AGBL1: variants seen among roughly 807,000 people sequenced by gnomAD.
AGBL1 encodes the protein cytosolic carboxypeptidase 4.
AGBL1 carries 130 observed loss-of-function variants against 118.9 expected under a neutral mutation model. The observed-to-expected ratio is 1.09, with a 90% CI of 0.95 to 1.26. The LOEUF (loss-of-function observed/expected upper bound fraction) is 1.26. Among genes scored for constraint, AGBL1 ranks in the 50% most tolerant of loss-of-function variants. The pLI is 0.00. For missense variants in AGBL1, 1,584 were observed against 1,298.1 expected (o/e 1.22, Z -3.38); for synonymous variants, 555 against 478.9 (o/e 1.16, Z -2.08).
At chr15:86,278,771 G>A (rs967920731) in intron 15 of AGBL1, among the ~76,000 whole-genome samples, 1 of 152,154 alleles carries the variant, frequency 6.6e-6, no homozygotes, top group Non-Finnish European at 1.5e-5. Context: ...TCTCAGGAAA[G>A]CCTGTGCAGC....
At chr15:86,964,031 C>CTCTCTGTGTGTG (rs1183866210) in intron 23 of AGBL1, among the ~76,000 whole-genome samples, 4 of 146,206 alleles carry the variant, frequency 2.7e-5, no homozygotes, top group African/African-American at 1.0e-4. Context: ...CTCTCTCTCT[C>CTCTCTGTGTGTG]TGTGTGTGTG....
chr15:86,154,924 T>C (rs986996986), intron 4 of AGBL1, among the ~76,000 whole-genome samples: 1 of 152,178 alleles, frequency 6.6e-6, no homozygotes, highest in Admixed American at 6.5e-5. Context: ...TCAAGTGTTA[T>C]ATCTGGGCAG....
intron 21 of AGBL1, among the ~76,000 whole-genome samples, chr15:86,648,626 G>A (rs904787494): frequency 1.3e-5 from 2 of 152,180 alleles, no homozygotes; most frequent in East Asian, 1.9e-4. Flanking sequence ...TCACCGGAAA[G>A]GTCTGGGCTG....
At chr15:86,465,924 A>G (rs914274579) in intron 18 of AGBL1, among the ~76,000 whole-genome samples, 12 of 152,044 alleles carry the variant, frequency 7.9e-5, no homozygotes, top group Admixed American at 5.9e-4. Flanking sequence ...CCCACTCCCT[A>G]TTTGTACACC....
At chr15:86,263,941 A>G (rs1265704862) in intron 10 of AGBL1, among the ~76,000 whole-genome samples, 1 of 152,202 alleles carries the variant, frequency 6.6e-6, no homozygotes, top group Non-Finnish European at 1.5e-5. Context: ...AGTGAAAGGC[A>G]CTGCCTTGGG....
chr15:86,610,736 C>T (rs1314569915), intron 21 of AGBL1, among the ~76,000 whole-genome samples: 1 of 152,198 alleles, frequency 6.6e-6, no homozygotes, highest in Non-Finnish European at 1.5e-5. Context: ...AAAATCAGTA[C>T]TTAACTTCGC....
At chr15:86,816,241 G>A (rs1045765676) in intron 22 of AGBL1, among the ~76,000 whole-genome samples, 1 of 152,164 alleles carries the variant, frequency 6.6e-6, no homozygotes, top group Non-Finnish European at 1.5e-5. Context: ...ATTCACAAAG[G>A]TAAAAGGACC....
At chr15:86,342,229 G>T (rs887001053) in intron 17 of AGBL1, among the ~76,000 whole-genome samples, 20 of 152,068 alleles carry the variant, frequency 1.3e-4, no homozygotes, top group Non-Finnish European at 2.6e-4. Flanking sequence ...ATGAACATTT[G>T]GGAGATAGCC....
intron 22 of AGBL1, among the ~76,000 whole-genome samples, chr15:86,704,572 A>C (rs914052955): frequency 6.6e-6 from 1 of 152,212 alleles, no homozygotes; most frequent in Non-Finnish European, 1.5e-5. Flanking sequence ...GCAAATCAAA[A>C]CCACAATAAG....
At chr15:86,822,753 G>T (rs1567191632) in intron 22 of AGBL1, among the ~76,000 whole-genome samples, 2 of 152,100 alleles carry the variant, frequency 1.3e-5, no homozygotes, top group Non-Finnish European at 2.9e-5. Flanking sequence ...TTGGGTGGTG[G>T]CAAGACAAGA....
intron 5 of AGBL1, among the ~76,000 whole-genome samples, chr15:86,192,916 A>G (rs1361507246): frequency 6.6e-6 from 1 of 152,212 alleles, no homozygotes; most frequent in East Asian, 1.9e-4. Flanking sequence ...TCTGTCCATT[A>G]TGCATCCATT....
chr15:86,178,047 T>C (rs993640539), intron 5 of AGBL1, among the ~76,000 whole-genome samples: 171 of 152,284 alleles, frequency 1.1e-3, no homozygotes, highest in African/African-American at 4.0e-3. Context: ...GGCATGGTGG[T>C]TCACACCTGT....
chr15:86,708,201 C>T (rs2086487942), intron 22 of AGBL1, among the ~76,000 whole-genome samples: 1 of 151,902 alleles, frequency 6.6e-6, no homozygotes, highest in Admixed American at 6.6e-5. Context: ...AATATTTGGC[C>T]AATATTGGAT....
chr15:86,248,599 A>G (rs1344649392), intron 7 of AGBL1, among the ~76,000 whole-genome samples: 1 of 152,188 alleles, frequency 6.6e-6, no homozygotes, highest in African/African-American at 2.4e-5. Flanking sequence ...TATTGTAGAA[A>G]TGGCCCGTGC....
At chr15:86,477,826 A>G (rs1285304476) in intron 18 of AGBL1, among the ~76,000 whole-genome samples, 2 of 152,222 alleles carry the variant, frequency 1.3e-5, no homozygotes, top group African/African-American at 4.8e-5. Context: ...TGATGCAAAA[A>G]TCCTCAATAA....
chr15:87,012,016 T>C (rs913007552), intron 24 of AGBL1, among the ~76,000 whole-genome samples: 17 of 152,306 alleles, frequency 1.1e-4, no homozygotes, highest in African/African-American at 3.8e-4. Flanking sequence ...TTTAATTTTC[T>C]TCTGTTGAGG....
intron 18 of AGBL1, among the ~76,000 whole-genome samples, chr15:86,467,127 G>A (rs1281175093): frequency 1.3e-5 from 2 of 152,222 alleles, no homozygotes; most frequent in African/African-American, 4.8e-5. Context: ...TTGTCTTTAA[G>A]CCCTTGACTG....
intron 21 of AGBL1, among the ~76,000 whole-genome samples, chr15:86,580,804 TC>T (rs2084163137): frequency 6.6e-6 from 1 of 152,182 alleles, no homozygotes; most frequent in African/African-American, 2.4e-5. Flanking sequence ...TAGAACTTAG[TC>T]CTCCTATCTA....
intron 17 of AGBL1, among the ~76,000 whole-genome samples, chr15:86,328,883 A>G (rs1168609612): frequency 6.6e-6 from 1 of 152,188 alleles, no homozygotes; most frequent in Non-Finnish European, 1.5e-5. Flanking sequence ...ACCGTTTTTA[A>G]TTTGGGCTCA....
Sources: allele counts gnomAD v4.1 joint callset (sites outside exome capture counted in the v4.1 genomes callset), GRCh38; gene constraint gnomAD v4.1.1; transcripts MANE v1.5; gene names NCBI Gene and HGNC (gene_info 2026-07-23, HGNC 2026-07-21).